Variants in DENND4C observed in about 807,000 individuals in gnomAD.
DENND4C encodes DENN domain-containing protein 4C.
A neutral mutation model predicts 203.0 loss-of-function variants in DENND4C; 108 were observed. The observed-to-expected ratio is 0.53, with a 90% confidence interval of 0.46 to 0.62. The LOEUF is 0.62. DENND4C is among the 20% of genes least tolerant of loss of function. The pLI is 0.00. For missense variants in DENND4C, 2,481 were observed against 2,301.2 expected (o/e 1.08, Z -1.60); for synonymous variants, 871 against 792.4 (o/e 1.10, Z -1.67).
At chr9:19,304,613 T>C (rs1182911333) in intron 9 of DENND4C, among the ~76,000 whole-genome samples, 7 of 151,590 alleles carry the variant, frequency 4.6e-5, no homozygotes. Context: ...CTCTGCTCAC[T>C]GCAAGCTCCA....
chr9:19,322,362 G>A (rs964145177), intron 12 of DENND4C, among the ~76,000 whole-genome samples: 32 of 152,148 alleles, frequency 2.1e-4, no homozygotes, highest in African/African-American at 7.7e-4. Context: ...AAAGAGCAGA[G>A]GGGTTGAGAG....
chr9:19,261,258 C>G (rs1476086946), intron 1 of DENND4C, among the ~76,000 whole-genome samples: 1 of 152,070 alleles, frequency 6.6e-6, no homozygotes, highest in Non-Finnish European at 1.5e-5. Flanking sequence ...TGTTTGGCTA[C>G]TATAGCTCTA....
At position 19,299,297 on chromosome 9, in the gene DENND4C, G is replaced by A. The variant is rs1421422141; in HGVS notation, c.1166+10G>A. 2 of 1,537,380 alleles carry A rather than the reference G, an allele frequency of 1.3e-6. No individual in the cohort carries two copies. Among genetic ancestry groups the A allele is most frequent in the Non-Finnish European group, 1.8e-6 (2 of 1,135,104 alleles). ...CACCTTTACCACTAAGGTAATTACT[G>A]GTATTTAAAATGATATATTTATTCA... On this transcript the variant is annotated intron_variant, in intron 8 of 32. Coordinates refer to ENST00000434457, the MANE Select transcript of DENND4C (RefSeq NM_001330640.2).
At chr9:19,292,968 A>G (rs1043414914) in intron 5 of DENND4C, among the ~76,000 whole-genome samples, 2 of 152,228 alleles carry the variant, frequency 1.3e-5, no homozygotes, top group East Asian at 1.9e-4. Flanking sequence ...TACAGGCTAC[A>G]CCTTTATAAC....
At chr9:19,276,063 G>A (rs1347112020) in intron 1 of DENND4C, 95 bp from the exon 2 acceptor site, 3 of 543,728 alleles carry the variant, frequency 5.5e-6, no homozygotes, top group Non-Finnish European at 5.6e-6. Flanking sequence ...TAGCTGGGAA[G>A]TGTGCTAGTT....
intron 1 of DENND4C, among the ~76,000 whole-genome samples, chr9:19,251,857 A>G (rs113673015): frequency 0.2 from 30,334 of 152,056 alleles, 3,109 homozygotes; most frequent in Admixed American, 0.22. Context: ...CCATATCACG[A>G]TCAGCATTTT....
chr9:19,336,559 T>C (rs1588946864), intron 19 of DENND4C, 127 bp from the exon 20 acceptor site: 1 of 1,431,488 alleles, frequency 7.0e-7, no homozygotes, highest in East Asian at 2.5e-5. Flanking sequence ...AGTCCAAAAT[T>C]ATTTTTGTTT....
intron 1 of DENND4C, among the ~76,000 whole-genome samples, chr9:19,247,252 T>C (rs548518150): frequency 1.3e-4 from 20 of 152,240 alleles, no homozygotes; most frequent in Non-Finnish European, 1.9e-4. Context: ...GCTTTGTAAC[T>C]TTTCTTTATC....
chr9:19,264,691 T>C (rs1004884914), intron 1 of DENND4C, among the ~76,000 whole-genome samples: 4 of 152,178 alleles, frequency 2.6e-5, no homozygotes, highest in African/African-American at 9.6e-5. Context: ...CCTTCTCTCT[T>C]TTTTTCTTAG....
At chr9:19,355,702 C>T (rs1825240208) in intron 26 of DENND4C, among the ~76,000 whole-genome samples, 1 of 152,024 alleles carries the variant, frequency 6.6e-6, no homozygotes. Flanking sequence ...AGTTCCCACT[C>T]TTGGATTGTA....
At position 19,369,924 on chromosome 9, in the gene DENND4C, A is replaced by G; in HGVS notation, c.5612A>G (p.Asn1871Ser). ...VETIRQSIQH[N>S]NVLKPINLLS... ...ACCATCAGGCAGAGTATTCAGCACA[A>G]TAATGTTCTTAAACCCATCAACCTA... Residue 1871 changes from asparagine to serine, a missense_variant, in exon 31 of 33, where the codon AAT becomes AGT. Around this residue, in one of 3 missense-constraint regions of DENND4C, gnomAD observed 2,289 missense variants for 2,113.3 expected, o/e 1.08. Coordinates refer to ENST00000434457, the MANE Select transcript of DENND4C (RefSeq NM_001330640.2). The G allele has an allele frequency of 6.2e-7, 1 of 1,614,072 alleles. No individual in the cohort carries two copies. Among genetic ancestry groups the G allele is most frequent in the Non-Finnish European group, 8.5e-7 (1 of 1,179,986 alleles).
chr9:19,319,397 T>TATATATACACACATATATATATAC (rs1842479457), intron 12 of DENND4C, among the ~76,000 whole-genome samples: 2 of 144,654 alleles, frequency 1.4e-5, no homozygotes, highest in African/African-American at 5.1e-5. Flanking sequence ...TATATACATA[T>TATATATACACACATATATATATAC]ATATATACAC....
At chr9:19,301,636 TC>T (rs1443832207) in intron 9 of DENND4C, among the ~76,000 whole-genome samples, 1 of 152,098 alleles carries the variant, frequency 6.6e-6, no homozygotes, top group Admixed American at 6.6e-5. Context: ...ACTGACCAGT[TC>T]TAGAAAGTTC....
At chr9:19,299,870 A>G (rs2131306382) in intron 8 of DENND4C, among the ~76,000 whole-genome samples, 1 of 152,316 alleles carries the variant, frequency 6.6e-6, no homozygotes, top group South Asian at 2.1e-4. Flanking sequence ...GGCTATGACA[A>G]CAGCTTTTTC....
intron 17 of DENND4C, among the ~76,000 whole-genome samples, chr9:19,333,426 G>A (rs1819725592): frequency 6.6e-6 from 1 of 152,140 alleles, no homozygotes; most frequent in Non-Finnish European, 1.5e-5. Context: ...TTAGGGGCCT[G>A]TCTTGTACAT....
intron 10 of DENND4C, among the ~76,000 whole-genome samples, chr9:19,311,007 A>G (rs931271321): frequency 6.6e-6 from 1 of 152,210 alleles, no homozygotes; most frequent in Non-Finnish European, 1.5e-5. Flanking sequence ...TTAGTTGCGG[A>G]CCATACTTTG....
intron 12 of DENND4C, among the ~76,000 whole-genome samples, chr9:19,317,078 C>G (rs1159787582): frequency 6.6e-6 from 1 of 151,848 alleles, no homozygotes; most frequent in African/African-American, 2.4e-5. Flanking sequence ...AAAGATGTTA[C>G]CTATATTTAC....
At chr9:19,328,001 C>G (rs1818181172) in intron 15 of DENND4C, 29 bp from the exon 16 acceptor site, 1 of 1,570,238 alleles carries the variant, frequency 6.4e-7, no homozygotes, top group Non-Finnish European at 8.6e-7. Flanking sequence ...TGTTTTAAAT[C>G]AGCAGTTCTA....
In DENND4C at chr9:19,352,199, C is replaced by G. The variant is rs191176080; in HGVS notation, c.4605+17C>G. 5.8e-4 allele frequency: 931 copies of G among 1,595,338 alleles called. 2 individuals carry two copies. The highest frequency in any genetic ancestry group is 7.9e-4 in the Admixed American group (47 of 59,752). On this transcript the variant is annotated intron_variant, in intron 25 of 32. Coordinates refer to ENST00000434457, the MANE Select transcript of DENND4C (RefSeq NM_001330640.2). ...GCAATGGAGGTAAAAGTTCTATATT[C>G]AGTTCATGATAAAGTAGCTGTAAGC...
Sources: allele counts gnomAD v4.1 joint callset (sites outside exome capture counted in the v4.1 genomes callset), GRCh38; gene constraint gnomAD v4.1.1; regional missense constraint gnomAD v4.1.1; transcripts MANE v1.5; gene names NCBI Gene and HGNC (gene_info 2026-07-23, HGNC 2026-07-21).